Variants in SGCZ observed in about 807,000 individuals in gnomAD.
SGCZ encodes the protein zeta-sarcoglycan.
In SGCZ, 40 loss-of-function variants were observed where a neutral mutation model predicts 41.3. That is an observed-to-expected ratio of 0.97 (90% CI 0.75 to 1.26). The LOEUF (loss-of-function observed/expected upper bound fraction) is 1.26. Among genes scored for constraint, SGCZ ranks in the 50% most tolerant of loss-of-function variants. SGCZ has a pLI of 0.00. For missense variants in SGCZ, 552 were observed against 369.8 expected (o/e 1.49, Z -4.04); for synonymous variants, 206 against 137.5 (o/e 1.50, Z -3.49).
intron 1 of SGCZ, among the ~76,000 whole-genome samples, chr8:14,780,720 TTTTG>T (rs1275901873): frequency 2.0e-5 from 3 of 152,186 alleles, no homozygotes; most frequent in Non-Finnish European, 4.4e-5. Context: ...ACAGGACTGA[TTTTG>T]TTTTTTAACA....
chr8:14,151,035 G>T (rs1803692213), intron 5 of SGCZ, among the ~76,000 whole-genome samples: 1 of 152,096 alleles, frequency 6.6e-6, no homozygotes, highest in African/African-American at 2.4e-5. Flanking sequence ...ATGGTAGTGG[G>T]GATGCGTCAG....
At chr8:14,675,498 CTGTATACACTTTACAGAG>C (rs1490496812) in intron 1 of SGCZ, among the ~76,000 whole-genome samples, 30 of 152,180 alleles carry the variant, frequency 2.0e-4, no homozygotes, top group African/African-American at 6.7e-4. Context: ...TTATTGACCA[CTGTATACACTTTACAGAG>C]TGTATACACT....
chr8:14,564,008 G>C lies in SGCZ; in HGVS notation c.40-9082C>G, dbSNP rs74726515. 4.1e-4 allele frequency among the ~76,000 whole-genome samples: 62 copies of C among 152,206 alleles called. 1 individual carries two copies. Among genetic ancestry groups the C allele is most frequent in the Non-Finnish European group, 7.6e-4 (52 of 68,006 alleles). ...ATTTGCTCTTCTCACTCACTAATTT[G>C]ATTCCTTAAAATTAAAATATAAATT... On this transcript the variant is annotated intron_variant, in intron 1 of 7. Transcript: ENST00000382080.
rs1331566901 is a variant in SGCZ at position 15,238,209 on chromosome 8, A to G, written c.-586T>C. The G allele has an allele frequency of 6.6e-6, 1 of 152,370 alleles. No individual in the cohort carries two copies. Among genetic ancestry groups the G allele is most frequent in the African/African-American group, 2.4e-5 (1 of 41,460 alleles). 9.4% of individuals were successfully genotyped at this position (152,370 alleles called of 1,614,324 possible). A position where few individuals can be genotyped will look rare whatever the true frequency, so the allele number is the denominator to read the frequency against. On this transcript the variant is annotated 5_prime_UTR_variant, in exon 1 of 8. Coordinates refer to ENST00000382080, the MANE Select transcript of SGCZ (RefSeq NM_139167.4). ...ACTTAAAAAATGTCTTGTAGCTGAG[A>G]GGTATTTTCTCAGTGGGGAAAAGAA... is the stretch of plus-strand genomic sequence containing the variant.
At chr8:15,015,021 C>T (rs1802973185) in intron 1 of SGCZ, among the ~76,000 whole-genome samples, 1 of 152,160 alleles carries the variant, frequency 6.6e-6, no homozygotes, top group South Asian at 2.1e-4. Flanking sequence ...GCGGGTAGAC[C>T]ACTTGAGGTC....
intron 2 of SGCZ, among the ~76,000 whole-genome samples, chr8:14,435,221 C>T (rs989089775): frequency 6.6e-6 from 1 of 152,128 alleles, no homozygotes; most frequent in Non-Finnish European, 1.5e-5. Flanking sequence ...TAATATCTTG[C>T]ATATTGCCAT....
chr8:14,106,983 G>A lies in SGCZ; in HGVS notation c.620+1180C>T, dbSNP rs543008463. Reference sequence around the variant, plus strand: ...TGTAATCCCAGCACTTTGGGAGGCCGAGGAGGGCGGATCAGAAGGTCAGGA... The same window carrying A: ...TGTAATCCCAGCACTTTGGGAGGCCAAGGAGGGCGGATCAGAAGGTCAGGA... On this transcript the variant is annotated intron_variant, in intron 6 of 7. Transcript: ENST00000382080. Among the ~76,000 whole-genome samples, 11 of 152,242 alleles carry A rather than the reference G, an allele frequency of 7.2e-5. No individual in the cohort carries two copies. In the East Asian group the frequency reaches 9.7e-4, roughly 13 times the overall value.
intron 1 of SGCZ, among the ~76,000 whole-genome samples, chr8:14,761,527 A>ATTTTT (rs1414823298): frequency 1.4e-5 from 2 of 140,482 alleles, no homozygotes; most frequent in South Asian, 2.3e-4. Flanking sequence ...TATTTTATTT[A>ATTTTT]TTTATTTATT....
At chr8:15,211,722 C>T (rs1801242626) in intron 1 of SGCZ, among the ~76,000 whole-genome samples, 1 of 152,010 alleles carries the variant, frequency 6.6e-6, no homozygotes. Context: ...TAATTATTTC[C>T]CAATATTCTT....
At chr8:14,916,579 C>T (rs1799444423) in intron 1 of SGCZ, among the ~76,000 whole-genome samples, 2 of 152,148 alleles carry the variant, frequency 1.3e-5, no homozygotes, top group African/African-American at 4.8e-5. Flanking sequence ...TTTGTAAGCT[C>T]CATATAAGTT....
chr8:14,560,107 G>A (rs892502587), intron 1 of SGCZ, among the ~76,000 whole-genome samples: 1 of 152,036 alleles, frequency 6.6e-6, no homozygotes. Context: ...ACAAAATACA[G>A]TTCGATAGAA....
chr8:14,505,669 C>T (rs1802283985), intron 2 of SGCZ, among the ~76,000 whole-genome samples: 2 of 152,104 alleles, frequency 1.3e-5, no homozygotes, highest in African/African-American at 4.8e-5. Context: ...AAAAGATAAA[C>T]CAGCAGGACA....
intron 1 of SGCZ, among the ~76,000 whole-genome samples, chr8:14,610,787 A>G (rs1177539611): frequency 6.6e-6 from 1 of 152,214 alleles, no homozygotes; most frequent in Non-Finnish European, 1.5e-5. Context: ...GAAGGAATTA[A>G]TAGGATAGTT....
rs1009379302 is a variant in SGCZ at position 14,566,858 on chromosome 8, T to C, written c.40-11932A>G. ...AGGCAGGAACCGGGGCTGCACACGG[T>C]GCTTGCGGGCCAGTGCGAGTTCCAG... is the stretch of plus-strand genomic sequence containing the variant. On this transcript the variant is annotated intron_variant, in intron 1 of 7. Transcript: ENST00000382080. Among the ~76,000 whole-genome samples the C allele has an allele frequency of 6.5e-4, 99 of 152,234 alleles. No homozygotes were observed. The Middle Eastern group carries it at 0.014, about 21-fold the overall frequency.
intron 1 of SGCZ, among the ~76,000 whole-genome samples, chr8:14,627,958 G>C (rs983251763): frequency 3.9e-5 from 6 of 151,962 alleles, no homozygotes; most frequent in Non-Finnish European, 8.8e-5. Flanking sequence ...TACATGTTTG[G>C]AGGATGTGAA....
chr8:15,109,529 A>T (rs949360081), intron 1 of SGCZ, among the ~76,000 whole-genome samples: 3 of 152,174 alleles, frequency 2.0e-5, no homozygotes, highest in Non-Finnish European at 2.9e-5. Flanking sequence ...CAGAAGATTT[A>T]ATTGCAAATT....
At chr8:14,496,999 ACCACATTTTCC>A (rs1261074857) in intron 2 of SGCZ, among the ~76,000 whole-genome samples, 1 of 152,176 alleles carries the variant, frequency 6.6e-6, no homozygotes, top group Non-Finnish European at 1.5e-5. Context: ...AAATGAACCC[ACCACATTTTCC>A]CCTATGCAGT....
At chr8:15,158,432 T>G (rs1211652910) in intron 1 of SGCZ, among the ~76,000 whole-genome samples, 1 of 152,242 alleles carries the variant, frequency 6.6e-6, no homozygotes, top group Non-Finnish European at 1.5e-5. Flanking sequence ...ATCATAGCTG[T>G]AACTTTTGAT....
At position 14,472,088 on chromosome 8, in the gene SGCZ, C is replaced by T. The variant is rs148520776; in HGVS notation, c.234+82644G>A. Among the ~76,000 whole-genome samples, 39 of 152,104 alleles carry T rather than the reference C, an allele frequency of 2.6e-4. 1 individual carries two copies. The highest frequency in any genetic ancestry group is 8.9e-4 in the African/African-American group (37 of 41,536). The stretch of plus-strand genomic sequence containing the variant: ...CATTTCTCAAATAAGAAATTTGCTT[C>T]TCTGGTTTTTGCAATTCAGCATTTG... On this transcript the variant is annotated intron_variant, in intron 2 of 7. Transcript: ENST00000382080.
Sources: gnomAD v4.1 joint callset for allele counts (sites outside exome capture counted in the v4.1 genomes callset) on GRCh38, gnomAD v4.1.1 for gene constraint, MANE v1.5 for transcripts, NCBI Gene and HGNC (gene_info 2026-07-23, HGNC 2026-07-21) for gene names.